The following OR3A2 variants were observed in gnomAD, a reference collection of about 807,000 sequenced individuals.
OR3A2 encodes olfactory receptor 3A2.
For missense variants in OR3A2, 318 were observed against 392.8 expected (o/e 0.81, Z 1.61); for synonymous variants, 126 against 159.3 (o/e 0.79, Z 1.57).
intron 3 of OR3A2, among the ~76,000 whole-genome samples, chr17:3,318,607 C>T (rs758261630): frequency 2.0e-5 from 3 of 152,304 alleles, no homozygotes; most frequent in South Asian, 2.1e-4. Context: ...TTTAGTTCCA[C>T]GTGAATAAAT....
chr17:3,321,029 T>G (rs1210052610), intron 3 of OR3A2, among the ~76,000 whole-genome samples: 4 of 152,190 alleles, frequency 2.6e-5, no homozygotes, highest in African/African-American at 9.7e-5. Flanking sequence ...TGTGTTTCCA[T>G]TTCTTTGTAT....
intron 3 of OR3A2, among the ~76,000 whole-genome samples, chr17:3,333,129 C>T (rs1446832023): frequency 6.6e-6 from 1 of 152,134 alleles, no homozygotes; most frequent in Non-Finnish European, 1.5e-5. Flanking sequence ...TATTAAGACC[C>T]TAGCAAAATA....
chr17:3,360,614 C>A (rs1474135027), intron 2 of OR3A2, among the ~76,000 whole-genome samples: 1 of 151,808 alleles, frequency 6.6e-6, no homozygotes, highest in East Asian at 1.9e-4. Context: ...AAGAAGGGAT[C>A]CAGTTTCAGC....
At chr17:3,380,952 G>C (rs143406499) in intron 2 of OR3A2, among the ~76,000 whole-genome samples, 107 of 152,304 alleles carry the variant, frequency 7.0e-4, no homozygotes, top group Non-Finnish European at 1.2e-3. Context: ...GTGTCTGGGA[G>C]CATCTATTGA....
chr17:3,321,863 A>T (rs1013813879), intron 3 of OR3A2, among the ~76,000 whole-genome samples: 104 of 152,242 alleles, frequency 6.8e-4, no homozygotes, highest in Non-Finnish European at 1.2e-3. Flanking sequence ...TGTCTCTGCC[A>T]GCCTTTGGTA....
At chr17:3,312,934 C>G (rs28654085) in intron 3 of OR3A2, among the ~76,000 whole-genome samples, 23,043 of 152,126 alleles carry the variant, frequency 0.15, 2,318 homozygotes, top group African/African-American at 0.28. Context: ...ATAAGTTTTA[C>G]TTTCAATGGC....
At chr17:3,382,902 T>C (rs1257584357) in intron 2 of OR3A2, among the ~76,000 whole-genome samples, 1 of 152,184 alleles carries the variant, frequency 6.6e-6, no homozygotes, top group African/African-American at 2.4e-5. Flanking sequence ...GGACAACGAC[T>C]GGCCTTTCTT....
chr17:3,310,843 A>G (rs183712355), intron 3 of OR3A2: 10 of 1,033,428 alleles, frequency 9.7e-6, no homozygotes, highest in Non-Finnish European at 1.4e-5. Context: ...AATGTGATCA[A>G]TCACTTCTAC....
intron 3 of OR3A2, chr17:3,310,812 C>G (rs9911226): frequency 1.2e-6 from 1 of 809,626 alleles, no homozygotes; most frequent in Admixed American, 1.9e-5. Flanking sequence ...TGCCCTGTCT[C>G]CTCTTAACTT....
intron 2 of OR3A2, among the ~76,000 whole-genome samples, chr17:3,340,743 G>C (rs2049309782): frequency 6.2e-3 from 1 of 162 alleles, no homozygotes; most frequent in South Asian, 0.25. Flanking sequence ...ATATTCTGTT[G>C]ACTTGGGGTG....
At chr17:3,319,031 C>T (rs1046964664) in intron 3 of OR3A2, among the ~76,000 whole-genome samples, 4 of 152,064 alleles carry the variant, frequency 2.6e-5, no homozygotes, top group Admixed American at 6.6e-5. Context: ...TGTCTTAAAC[C>T]TCCATTGCTT....
chr17:3,294,611 C>T (rs951569419), intron 3 of OR3A2, among the ~76,000 whole-genome samples: 40 of 152,200 alleles, frequency 2.6e-4, no homozygotes, highest in African/African-American at 7.9e-4. Flanking sequence ...TCATACAGAA[C>T]GCCAGCATTG....
intron 3 of OR3A2, among the ~76,000 whole-genome samples, chr17:3,322,017 T>C (rs1205407021): frequency 2.0e-5 from 3 of 152,160 alleles, no homozygotes; most frequent in African/African-American, 7.2e-5. Flanking sequence ...TCCTGGACTT[T>C]TTTTGGTTGG....
chr17:3,279,237 G>T (rs1167210502), intron 1 of OR3A2, 84 bp from the exon 4 acceptor site: 5 of 377,960 alleles, frequency 1.3e-5, no homozygotes, highest in Non-Finnish European at 2.4e-5. Context: ...CCTCGCCACA[G>T]GGGGGAAATG....
chr17:3,311,601 G>A lies in OR3A2; in HGVS notation c.-85+24432C>T, dbSNP rs952279090. ...TCAATGGGCAGCTGCTGCTTGTGGG[G>A]GCCACCTTCATAGGAGTGATCCCCA... On this transcript the variant is annotated intron_variant, in intron 3 of 4. Transcript: ENST00000573491. This position sits in a 1 kb window ranked among gnomAD's most constrained non-coding sequence, Gnocchi z 4.6. 6.8e-5 allele frequency: 27 copies of A among 395,298 alleles called. No individual in the cohort carries two copies. Among genetic ancestry groups the A allele is most frequent in the Non-Finnish European group, 2.6e-5 (5 of 195,246 alleles). 24.5% of individuals were successfully genotyped at this position (395,298 alleles called of 1,614,324 possible).
At chr17:3,360,875 G>T (rs561349781) in intron 2 of OR3A2, among the ~76,000 whole-genome samples, 1 of 151,522 alleles carries the variant, frequency 6.6e-6, no homozygotes, top group African/African-American at 2.4e-5. Flanking sequence ...TTGTTCTTTT[G>T]GGTTAGGATT....
At chr17:3,334,976 T>G (rs2049266744) in intron 3 of OR3A2, among the ~76,000 whole-genome samples, 1 of 152,220 alleles carries the variant, frequency 6.6e-6, no homozygotes, top group Non-Finnish European at 1.5e-5. Context: ...GAAATCACTG[T>G]GTCCATTTCA....
intron 2 of OR3A2, among the ~76,000 whole-genome samples, chr17:3,375,673 T>C (rs543178887): frequency 1.3e-5 from 2 of 152,230 alleles, no homozygotes; most frequent in Admixed American, 6.5e-5. Flanking sequence ...TATAGAACCT[T>C]GTTTTGCTAT....
At chr17:3,322,125 A>G in intron 3 of OR3A2, among the ~76,000 whole-genome samples, 1 of 152,094 alleles carries the variant, frequency 6.6e-6, no homozygotes, top group East Asian at 1.9e-4. Flanking sequence ...CGAGAAATTT[A>G]TCCATTTCTT....
Sources: allele counts gnomAD v4.1 joint callset (sites outside exome capture counted in the v4.1 genomes callset), GRCh38; gene constraint gnomAD v4.1.1; non-coding constraint Gnocchi (gnomAD v3.1); transcripts MANE v1.5; gene names NCBI Gene and HGNC (gene_info 2026-07-23, HGNC 2026-07-21).